The following DOCK1 variants were observed in gnomAD, a reference collection of about 807,000 sequenced individuals.
The protein encoded by DOCK1 is dedicator of cytokinesis 1, also known as dedicator of cytokinesis protein 1.
A neutral mutation model predicts 262.7 loss-of-function variants in DOCK1; 138 were observed. The observed-to-expected ratio is 0.53, with a 90% CI of 0.46 to 0.61. The LOEUF (loss-of-function observed/expected upper bound fraction) is 0.61, where lower values mean the gene tolerates loss of function less well. Among genes scored for constraint, DOCK1 ranks in the 20% least tolerant of loss-of-function variants. The pLI is 0.00. For synonymous variants in DOCK1, 866 were observed against 867.4 expected (o/e 1.00, Z 0.03); for missense variants, 1,908 against 2,370.7 (o/e 0.80, Z 4.05).
intron 29 of DOCK1, among the ~76,000 whole-genome samples, chr10:127,261,561 CTGTG>C (rs1167915355): frequency 7.3e-5 from 5 of 68,600 alleles, no homozygotes; most frequent in Admixed American, 1.9e-4. Context: ...CCGTGCTCAT[CTGTG>C]TGTGTACCTG....
At chr10:126,923,717 C>T (rs544946131) in intron 1 of DOCK1, among the ~76,000 whole-genome samples, 1 of 152,220 alleles carries the variant, frequency 6.6e-6, no homozygotes, top group East Asian at 1.9e-4. Context: ...TCTCCATGTG[C>T]GATGGTCCGT....
rs57503481 is a variant in DOCK1 at position 127,148,030 on chromosome 10, C to CAA, written c.2847+20294_2847+20295dup. On this transcript the variant is annotated intron_variant, in intron 27 of 51. Coordinates refer to ENST00000623213, the MANE Select transcript of DOCK1 (RefSeq NM_001290223.2). ...TGGGCAACAGAGTGAGACTCTGTCTCAAAAAAAAAAAAAAAAAAAAAAAAA... is the reference window on the plus strand; with the variant it reads ...TGGGCAACAGAGTGAGACTCTGTCTCAAAAAAAAAAAAAAAAAAAAAAAAAAA... 2.6e-3 allele frequency among the ~76,000 whole-genome samples: 163 copies of CAA among 63,292 alleles called. 4 individuals are homozygous for CAA. Among genetic ancestry groups the CAA allele is most frequent in the South Asian group, 6.8e-3 (6 of 888 alleles). 41.5% of individuals were successfully genotyped at this position (63,292 alleles called of 152,430 possible). A position where few individuals can be genotyped will look rare whatever the true frequency, so the allele number is the denominator to read the frequency against.
At chr10:127,430,469 G>A (rs1354529681) in intron 47 of DOCK1, among the ~76,000 whole-genome samples, 2 of 152,174 alleles carry the variant, frequency 1.3e-5, no homozygotes, top group African/African-American at 2.4e-5. Flanking sequence ...GAACAGCCAG[G>A]GACCAGGGTT....
intron 27 of DOCK1, among the ~76,000 whole-genome samples, chr10:127,221,608 T>G (rs994705534): frequency 6.6e-6 from 1 of 152,156 alleles, no homozygotes; most frequent in Admixed American, 6.5e-5. Flanking sequence ...GCTCCAGGGC[T>G]CATAATACAT....
At chr10:127,290,113 C>T (rs2766070) in intron 29 of DOCK1, among the ~76,000 whole-genome samples, 88,955 of 151,508 alleles carry the variant, frequency 0.59, 26,710 homozygotes, top group African/African-American at 0.7. Flanking sequence ...GTTCTGTTTC[C>T]GTGGATGTGT....
At chr10:127,128,740 A>T (rs1049737180) in intron 27 of DOCK1, among the ~76,000 whole-genome samples, 1 of 152,178 alleles carries the variant, frequency 6.6e-6, no homozygotes, top group African/African-American at 2.4e-5. Flanking sequence ...TTATGGCTGC[A>T]TACTATTCCA....
chr10:127,282,480 C>G (rs1488296908), intron 29 of DOCK1, among the ~76,000 whole-genome samples: 1 of 152,210 alleles, frequency 6.6e-6, no homozygotes, highest in Middle Eastern at 3.2e-3. Flanking sequence ...AATTGAGCAG[C>G]CTGCTTGGAG....
chr10:127,165,104 C>T (rs952724945), intron 27 of DOCK1, among the ~76,000 whole-genome samples: 1 of 152,148 alleles, frequency 6.6e-6, no homozygotes, highest in African/African-American at 2.4e-5. Context: ...TTCAGGACTC[C>T]CATATTTCTT....
intron 25 of DOCK1, among the ~76,000 whole-genome samples, chr10:127,119,241 G>A (rs2132992554): frequency 6.6e-6 from 1 of 152,290 alleles, no homozygotes; most frequent in African/African-American, 2.4e-5. Flanking sequence ...TAGAGATGGG[G>A]TTTCACTGTG....
intron 35 of DOCK1, among the ~76,000 whole-genome samples, chr10:127,378,896 T>G (rs1419201445): frequency 1.3e-5 from 2 of 152,274 alleles, no homozygotes; most frequent in Non-Finnish European, 2.9e-5. Context: ...CTTGAAAATC[T>G]TGGTGCATTT....
chr10:126,962,291 C>T (rs2037288063), intron 1 of DOCK1, among the ~76,000 whole-genome samples: 2 of 152,188 alleles, frequency 1.3e-5, no homozygotes, highest in Admixed American at 1.3e-4. Flanking sequence ...TCCCAAGTAG[C>T]TGGAACTCCA....
At chr10:127,307,428 ACACAAGTCCT>A (rs2061914320) in intron 29 of DOCK1, among the ~76,000 whole-genome samples, 1 of 152,176 alleles carries the variant, frequency 6.6e-6, no homozygotes, top group Non-Finnish European at 1.5e-5. Flanking sequence ...AACACTGGAC[ACACAAGTCCT>A]CAGTGGAGTT....
rs71490109 is a variant in DOCK1 at position 127,093,198 on chromosome 10, T to TTTTCTTTCTTTC, written c.2446-13021_2446-13010dup. ...CTTTGCATCTGAATCTCCCTCTCCT[T>TTTTCTTTCTTTC]TTTCTTTCTTTCTTTCTTTCTTTTC... is the stretch of plus-strand genomic sequence containing the variant. On this transcript the variant is annotated intron_variant, in intron 23 of 51. Coordinates refer to ENST00000623213, the MANE Select transcript of DOCK1 (RefSeq NM_001290223.2). Among the ~76,000 whole-genome samples the TTTTCTTTCTTTC allele has an allele frequency of 1.8e-3, 166 of 92,448 alleles. 3 individuals carry two copies. Among genetic ancestry groups the TTTTCTTTCTTTC allele is most frequent in the African/African-American group, 6.6e-3 (149 of 22,516 alleles). The allele number at this position is 92,448 out of a possible 152,430, so 60.6% of individuals were successfully genotyped here.
chr10:127,074,137 T>TA lies in DOCK1; in HGVS notation c.2445+12365dup, dbSNP rs781458841. ...ATATTGAATACTTGCAAAATTTCAT[T>TA]AAAATTGTTTTTGCAGAATTTTATG... On this transcript the variant is annotated intron_variant, in intron 23 of 51. Coordinates refer to ENST00000623213, the MANE Select transcript of DOCK1 (RefSeq NM_001290223.2). 8.5e-5 allele frequency among the ~76,000 whole-genome samples: 13 copies of TA among 152,370 alleles called. No individual in the cohort carries two copies. In the East Asian group the frequency reaches 1.5e-3, roughly 18 times the overall value.
intron 28 of DOCK1, among the ~76,000 whole-genome samples, chr10:127,249,952 T>C (rs2059568270): frequency 6.6e-6 from 1 of 152,252 alleles, no homozygotes; most frequent in African/African-American, 2.4e-5. Flanking sequence ...ATGTGTAACC[T>C]GTATCCTGTT....
chr10:127,069,829 C>T (rs947212142), intron 23 of DOCK1, among the ~76,000 whole-genome samples: 19 of 152,120 alleles, frequency 1.2e-4, no homozygotes, highest in African/African-American at 4.1e-4. Context: ...GTCCCAGAGT[C>T]GAGGAGGTGA....
At chr10:127,016,275 A>G (rs2041872883) in intron 12 of DOCK1, among the ~76,000 whole-genome samples, 1 of 152,154 alleles carries the variant, frequency 6.6e-6, no homozygotes, top group South Asian at 2.1e-4. Flanking sequence ...CTAGATAGCA[A>G]GAGGAAAGGG....
intron 23 of DOCK1, among the ~76,000 whole-genome samples, chr10:127,072,310 A>G (rs539614942): frequency 3.4e-4 from 52 of 152,304 alleles, no homozygotes; most frequent in African/African-American, 1.3e-3. Flanking sequence ...CTGAGGAGTT[A>G]CAGCACCAAT....
intron 11 of DOCK1, among the ~76,000 whole-genome samples, chr10:127,011,689 A>G (rs371681751): frequency 6.6e-6 from 1 of 151,574 alleles, no homozygotes; most frequent in African/African-American, 2.4e-5. Flanking sequence ...CACACACGGT[A>G]CCATTCTTCT....
Sources: allele counts gnomAD v4.1 joint callset (sites outside exome capture counted in the v4.1 genomes callset), GRCh38; gene constraint gnomAD v4.1.1; transcripts MANE v1.5; gene names NCBI Gene and HGNC (gene_info 2026-07-23, HGNC 2026-07-21).